Variants in LDB2 observed in about 807,000 individuals in gnomAD.
LDB2 encodes the protein LIM domain binding 2.
Under a neutral mutation model 44.3 loss-of-function variants are expected in LDB2, and 12 were observed. The observed-to-expected ratio is 0.27, with a 90% CI of 0.17 to 0.44. The LOEUF is 0.44. LDB2 is among the 20% of genes least tolerant of loss of function. The pLI is 1.00. For synonymous variants in LDB2, 164 were observed against 174.8 expected (o/e 0.94, Z 0.49); for missense variants, 344 against 473.5 (o/e 0.73, Z 2.54).
chr4:16,754,546 G>A (rs1442623295), intron 2 of LDB2, among the ~76,000 whole-genome samples: 1 of 118,404 alleles, frequency 8.4e-6, no homozygotes, highest in Non-Finnish European at 1.7e-5. Context: ...TTTTTTTATT[G>A]AGACAGAGTC....
At chr4:16,848,380 A>G (rs2110163152) in intron 1 of LDB2, among the ~76,000 whole-genome samples, 1 of 152,360 alleles carries the variant, frequency 6.6e-6, no homozygotes, top group Non-Finnish European at 1.5e-5. Context: ...TTTTAAAACA[A>G]TGTCAAAAAT....
At chr4:16,623,528 C>T (rs529107566) in intron 2 of LDB2, among the ~76,000 whole-genome samples, 11 of 152,108 alleles carry the variant, frequency 7.2e-5, no homozygotes, top group African/African-American at 2.4e-4. Context: ...GCCCGGGAGG[C>T]GGACGTTGCA....
chr4:16,692,300 C>A (rs919857645), intron 2 of LDB2, among the ~76,000 whole-genome samples: 1 of 152,152 alleles, frequency 6.6e-6, no homozygotes, highest in Admixed American at 6.5e-5. Context: ...AGAAAATGAT[C>A]TTTGATTAAT....
At chr4:16,850,744 G>T (rs1788059084) in intron 1 of LDB2, among the ~76,000 whole-genome samples, 1 of 152,124 alleles carries the variant, frequency 6.6e-6, no homozygotes, top group African/African-American at 2.4e-5. Context: ...GTGGATGGTG[G>T]GGTCATTCAC....
rs1047333277 is a variant in LDB2 at position 16,521,541 on chromosome 4, G to C, written c.616-9437C>G. On this transcript the variant is annotated intron_variant, in intron 5 of 7. Coordinates refer to ENST00000304523, the MANE Select transcript of LDB2 (RefSeq NM_001290.5). ...AAGGTCACATTCTAAGTTTCCAGGG[G>C]AATATGAATTTTGAGGGAGCCTATT... 2.0e-5 allele frequency among the ~76,000 whole-genome samples: 3 copies of C among 152,088 alleles called. No individual in the cohort carries two copies. The South Asian group carries it at 6.2e-4, about 32-fold the overall frequency.
intron 2 of LDB2, among the ~76,000 whole-genome samples, chr4:16,646,006 T>C (rs537135137): frequency 1.0e-3 from 155 of 152,328 alleles, no homozygotes; most frequent in Non-Finnish European, 1.3e-3. Context: ...CACTTTGCAT[T>C]GATTCTTTAG....
intron 2 of LDB2, among the ~76,000 whole-genome samples, chr4:16,664,502 C>G (rs1236342061): frequency 6.6e-6 from 1 of 152,054 alleles, no homozygotes; most frequent in Non-Finnish European, 1.5e-5. Context: ...AAAATGAAGA[C>G]GTTAGTGGGA....
At chr4:16,623,580 G>A (rs1729464308) in intron 2 of LDB2, among the ~76,000 whole-genome samples, 1 of 151,632 alleles carries the variant, frequency 6.6e-6, no homozygotes, top group African/African-American at 2.4e-5. Flanking sequence ...GTGGCTGACA[G>A]AGCAAGACTC....
At chr4:16,787,442 A>C (rs1034437943) in intron 1 of LDB2, among the ~76,000 whole-genome samples, 1 of 152,076 alleles carries the variant, frequency 6.6e-6, no homozygotes, top group East Asian at 1.9e-4. Context: ...GTGAAACTTC[A>C]TCTCTACTAA....
chr4:16,844,248 CAAAAAAAAA>C (rs34034796), intron 1 of LDB2, among the ~76,000 whole-genome samples: 1 of 30,060 alleles, frequency 3.3e-5, no homozygotes, highest in East Asian at 1.6e-3. Context: ...ACCCTGTCTC[CAAAAAAAAA>C]AAAAAAAAAA....
Position 16,778,839 on chromosome 4 carries a change from A to G in LDB2, c.133-19579T>C, listed in dbSNP as rs547336399. Among the ~76,000 whole-genome samples, 201 of 152,356 alleles carry G rather than the reference A, an allele frequency of 1.3e-3. 2 individuals carry two copies. The highest frequency in any genetic ancestry group is 4.6e-3 in the African/African-American group (193 of 41,590). On this transcript the variant is annotated intron_variant, in intron 1 of 7. Transcript: ENST00000304523. Reference sequence around the variant, plus strand: ...CTTGCTCAAGATCACATAGACAAATATATAACAAAGTTAACCTAAGTTTCA... The same window carrying G: ...CTTGCTCAAGATCACATAGACAAATGTATAACAAAGTTAACCTAAGTTTCA...
intron 7 of LDB2, among the ~76,000 whole-genome samples, chr4:16,504,613 G>A (rs1272496396): frequency 6.6e-6 from 1 of 152,168 alleles, no homozygotes; most frequent in East Asian, 1.9e-4. Flanking sequence ...GACTGTTAAG[G>A]TGAGATGCAA....
chr4:16,782,432 C>A (rs553228656), intron 1 of LDB2, among the ~76,000 whole-genome samples: 1 of 151,614 alleles, frequency 6.6e-6, no homozygotes, highest in South Asian at 2.1e-4. Context: ...TTCACTAAAA[C>A]CTCCACCTCC....
chr4:16,696,448 G>T (rs1042532854), intron 2 of LDB2, among the ~76,000 whole-genome samples: 10 of 152,000 alleles, frequency 6.6e-5, no homozygotes, highest in Admixed American at 2.6e-4. Flanking sequence ...TTTTTCAAAG[G>T]AGTTAGTATA....
At chr4:16,737,456 TAAA>T (rs910075227) in intron 2 of LDB2, among the ~76,000 whole-genome samples, 7 of 152,250 alleles carry the variant, frequency 4.6e-5, no homozygotes, top group African/African-American at 9.6e-5. Context: ...TTTATTCTAA[TAAA>T]GAAAATTCGA....
At chr4:16,826,873 C>T (rs1783147391) in intron 1 of LDB2, among the ~76,000 whole-genome samples, 1 of 151,944 alleles carries the variant, frequency 6.6e-6, no homozygotes. Context: ...ATGGAAGGAG[C>T]TTAGTGAGGC....
chr4:16,775,464 G>A (rs1316725081), intron 1 of LDB2, among the ~76,000 whole-genome samples: 1 of 152,142 alleles, frequency 6.6e-6, no homozygotes, highest in African/African-American at 2.4e-5. Flanking sequence ...AATAATAAGT[G>A]TAGCTACCTC....
intron 2 of LDB2, among the ~76,000 whole-genome samples, chr4:16,596,239 A>AT (rs908740706): frequency 1.1e-4 from 17 of 152,006 alleles, no homozygotes; most frequent in African/African-American, 3.6e-4. Flanking sequence ...ATCTGCTTGG[A>AT]TTTTTTTAAT....
intron 2 of LDB2, among the ~76,000 whole-genome samples, chr4:16,655,170 A>G (rs1278594320): frequency 2.6e-5 from 4 of 152,236 alleles, no homozygotes; most frequent in Non-Finnish European, 4.4e-5. Flanking sequence ...TTCTGAGCCC[A>G]GCATGTGGAA....
Sources: allele counts gnomAD v4.1 joint callset (sites outside exome capture counted in the v4.1 genomes callset), GRCh38; gene constraint gnomAD v4.1.1; transcripts MANE v1.5; gene names NCBI Gene and HGNC (gene_info 2026-07-23, HGNC 2026-07-21).